Variants in RBFOX1 observed in about 807,000 individuals in gnomAD.
RBFOX1 encodes RNA binding fox-1 homolog 1.
Under a neutral mutation model 57.7 loss-of-function variants are expected in RBFOX1, and 8 were observed. The observed-to-expected ratio is 0.14, with a 90% CI of 0.08 to 0.25. The LOEUF is 0.25. Among genes scored for constraint, RBFOX1 ranks in the 10% least tolerant of loss-of-function variants. RBFOX1 has a pLI of 1.00. For missense variants in RBFOX1, 611 were observed against 548.5 expected (o/e 1.11, Z -1.14); for synonymous variants, 326 against 222.4 (o/e 1.47, Z -4.15).
intron 4 of RBFOX1, among the ~76,000 whole-genome samples, chr16:5,881,686 A>AG: frequency 6.6e-6 from 1 of 152,252 alleles, no homozygotes; most frequent in South Asian, 2.1e-4. Flanking sequence ...TCTCAAAAAA[A>AG]AAGTTTTTTT....
chr16:6,519,917 C>G (rs1438868647), intron 2 of RBFOX1, among the ~76,000 whole-genome samples: 1 of 152,178 alleles, frequency 6.6e-6, no homozygotes. Flanking sequence ...TGGCCCCATG[C>G]TCTTAACCAC....
chr16:6,010,107 C>G (rs11864434), intron 4 of RBFOX1, among the ~76,000 whole-genome samples: 14 of 152,112 alleles, frequency 9.2e-5, no homozygotes, highest in African/African-American at 3.1e-4. Context: ...ATTAAGAATA[C>G]TGAGGGTGCT....
chr16:6,029,098 T>A (rs1248555897), intron 1 of RBFOX1, among the ~76,000 whole-genome samples: 1 of 152,204 alleles, frequency 6.6e-6, no homozygotes, highest in Non-Finnish European at 1.5e-5. Context: ...TTATTTTTTT[T>A]TACCTTGTGG....
chr16:6,892,062 G>GTT (rs1276625777), intron 3 of RBFOX1, among the ~76,000 whole-genome samples: 3 of 152,134 alleles, frequency 2.0e-5, no homozygotes, highest in Admixed American at 6.5e-5. Flanking sequence ...AAGTTGCCAG[G>GTT]TGGATGACAT....
chr16:7,618,410 G>C (rs1260345396), intron 10 of RBFOX1, among the ~76,000 whole-genome samples: 1 of 152,156 alleles, frequency 6.6e-6, no homozygotes, highest in African/African-American at 2.4e-5. Context: ...CAACCCTGCA[G>C]ATTGGGTTCT....
chr16:6,291,384 A>T (rs2077451373), intron 1 of RBFOX1, among the ~76,000 whole-genome samples: 1 of 152,126 alleles, frequency 6.6e-6, no homozygotes, highest in Admixed American at 6.5e-5. Flanking sequence ...ATGATATGAG[A>T]TGGTGGAGGC....
intron 3 of RBFOX1, among the ~76,000 whole-genome samples, chr16:5,631,976 G>A (rs1417165973): frequency 1.3e-5 from 2 of 152,156 alleles, no homozygotes; most frequent in Admixed American, 6.5e-5. Flanking sequence ...GCCTCCACCT[G>A]TTTGCTCTCT....
At chr16:7,693,416 C>CTTTTT (rs60812796) in intron 14 of RBFOX1, 955 of 782,794 alleles carry the variant, frequency 1.2e-3, no homozygotes, top group South Asian at 3.6e-3. Flanking sequence ...TCTCAGTATC[C>CTTTTT]TTTTTTTTTT....
intron 4 of RBFOX1, among the ~76,000 whole-genome samples, chr16:7,432,414 C>T (rs1443085654): frequency 6.6e-6 from 1 of 152,136 alleles, no homozygotes; most frequent in Non-Finnish European, 1.5e-5. Flanking sequence ...TGTGAATTCT[C>T]CTAATGCAAT....
intron 1 of RBFOX1, among the ~76,000 whole-genome samples, chr16:5,442,463 T>C (rs1297355419): frequency 6.6e-6 from 1 of 152,186 alleles, no homozygotes; most frequent in East Asian, 1.9e-4. Flanking sequence ...CACAGGGTGC[T>C]GAGTGGAGGC....
At chr16:6,487,619 T>C (rs544933122) in intron 2 of RBFOX1, among the ~76,000 whole-genome samples, 9 of 141,154 alleles carry the variant, frequency 6.4e-5, no homozygotes, top group Non-Finnish European at 1.2e-4. Flanking sequence ...CAAGAAAAGA[T>C]ACAATTATAG....
rs573594506 is a variant in RBFOX1 at position 5,515,106 on chromosome 16, G to A, written c.258+47852G>A. Among the ~76,000 whole-genome samples, 82 of 152,260 alleles carry A rather than the reference G, an allele frequency of 5.4e-4. 1 individual carries two copies. The South Asian group carries it at 9.5e-3, about 18-fold the overall frequency. The stretch of plus-strand genomic sequence containing the variant: ...AGAACTCATTTATTACAGCAGAGAG[G>A]GCAACAAGTCATCCATGAGGACTCG... On this transcript the variant is annotated intron_variant, in intron 2 of 2. Transcript: ENST00000585867.
chr16:5,795,744 T>C (rs937184620), intron 3 of RBFOX1, among the ~76,000 whole-genome samples: 1 of 152,242 alleles, frequency 6.6e-6, no homozygotes, highest in Non-Finnish European at 1.5e-5. Flanking sequence ...TACATTCATA[T>C]ATCCCTCCTA....
chr16:5,251,679 G>T (rs1295992424), intron 1 of RBFOX1, among the ~76,000 whole-genome samples: 2 of 152,150 alleles, frequency 1.3e-5, no homozygotes, highest in African/African-American at 2.4e-5. Flanking sequence ...TGAGGGCGGG[G>T]AATTCAAATT....
At chr16:5,276,409 C>A (rs2063141253) in intron 1 of RBFOX1, among the ~76,000 whole-genome samples, 1 of 152,108 alleles carries the variant, frequency 6.6e-6, no homozygotes, top group East Asian at 1.9e-4. Flanking sequence ...AAATGGCCAA[C>A]AAACATATGA....
chr16:6,544,463 G>A (rs536353261), intron 2 of RBFOX1, among the ~76,000 whole-genome samples: 1 of 152,142 alleles, frequency 6.6e-6, no homozygotes, highest in Non-Finnish European at 1.5e-5. Context: ...GGGAGGCACT[G>A]TAATTTCCTG....
chr16:7,700,224 G>T (rs993781316), intron 14 of RBFOX1, among the ~76,000 whole-genome samples: 2 of 152,096 alleles, frequency 1.3e-5, no homozygotes, highest in African/African-American at 2.4e-5. Context: ...TAAAATAGAC[G>T]AGAGGCAATA....
chr16:7,117,315 C>G (rs1227643438), intron 4 of RBFOX1, among the ~76,000 whole-genome samples: 1 of 152,120 alleles, frequency 6.6e-6, no homozygotes, highest in Non-Finnish European at 1.5e-5. Flanking sequence ...TTTCAGAATA[C>G]TTTTGATTCG....
intron 4 of RBFOX1, among the ~76,000 whole-genome samples, chr16:7,114,776 C>T (rs2065524715): frequency 6.6e-6 from 1 of 152,178 alleles, no homozygotes; most frequent in Non-Finnish European, 1.5e-5. Context: ...ATGTGCTTCT[C>T]TGTCTTGCTA....
Sources: gnomAD v4.1 joint callset for allele counts (sites outside exome capture counted in the v4.1 genomes callset) on GRCh38, gnomAD v4.1.1 for gene constraint, MANE v1.5 for transcripts, NCBI Gene and HGNC (gene_info 2026-07-23, HGNC 2026-07-21) for gene names.